The following EPC1 variants were observed in gnomAD, a reference collection of about 807,000 sequenced individuals.
EPC1 encodes enhancer of polycomb 1.
EPC1 carries 12 observed loss-of-function variants against 98.4 expected under a neutral mutation model. That is an observed-to-expected ratio of 0.12 (90% confidence interval 0.08 to 0.20). The LOEUF (loss-of-function observed/expected upper bound fraction) is 0.20. Among genes scored for constraint, EPC1 ranks in the 10% least tolerant of loss-of-function variants. The probability of loss-of-function intolerance (pLI) is 1.00; values close to 1 mark genes in which losing one functional copy is unlikely to be tolerated. For missense variants in EPC1, 729 were observed against 990.5 expected, an observed-to-expected ratio of 0.74 and a Z score of 3.54; for synonymous variants, 357 against 363.9, an observed-to-expected ratio of 0.98 and a Z score of 0.21.
rs1834950384 is a variant in EPC1, at chr10:32,293,214, G to C, written c.460-20C>G. On this transcript the variant is annotated intron_variant, in intron 3 of 13. Coordinates refer to ENST00000319778, the MANE Select transcript of EPC1 (RefSeq NM_001272004.3). Reference sequence around the variant, plus strand: ...GACTGGCTAAATGTAAAACCATTATGTCATTTTCATACAATACACATACAA... The same window carrying C: ...GACTGGCTAAATGTAAAACCATTATCTCATTTTCATACAATACACATACAA... 6.4e-7 allele frequency: 1 copy of C among 1,571,726 alleles called. No homozygotes were observed. Among genetic ancestry groups the C allele is most frequent in the Admixed American group, 1.7e-5 (1 of 59,196 alleles).
chr10:32,309,194 G>T (rs1212062722), intron 1 of EPC1, among the ~76,000 whole-genome samples: 1 of 152,096 alleles, frequency 6.6e-6, no homozygotes, highest in Non-Finnish European at 1.5e-5. Flanking sequence ...GAATGAATAA[G>T]ATTTGAACAG....
chr10:32,308,518 T>C (rs1416410144), intron 1 of EPC1, among the ~76,000 whole-genome samples: 1 of 152,212 alleles, frequency 6.6e-6, no homozygotes, highest in Non-Finnish European at 1.5e-5. Flanking sequence ...CCCCTTTTAA[T>C]AGTTTATTTT....
chr10:32,314,170 A>G (rs751746157), intron 1 of EPC1, among the ~76,000 whole-genome samples: 11 of 152,236 alleles, frequency 7.2e-5, no homozygotes, highest in Admixed American at 4.6e-4. Context: ...TTAATATGCA[A>G]TCTTACAAAA....
chr10:32,349,601 T>C (rs1839053901), upstream of EPC1, among the ~76,000 whole-genome samples: 1 of 152,106 alleles, frequency 6.6e-6, no homozygotes, highest in Admixed American at 6.6e-5. Flanking sequence ...AAAAAAACCC[T>C]TTTTTGAAAT....
At chr10:32,294,709 T>C (rs116137208) in intron 2 of EPC1, among the ~76,000 whole-genome samples, 2 of 152,234 alleles carry the variant, frequency 1.3e-5, no homozygotes, top group African/African-American at 4.8e-5. Flanking sequence ...TTAAGCTAGG[T>C]TGATATGAAT....
At chr10:32,340,257 T>C (rs1446447630) in intron 1 of EPC1, among the ~76,000 whole-genome samples, 2 of 152,212 alleles carry the variant, frequency 1.3e-5, no homozygotes, top group African/African-American at 2.4e-5. Flanking sequence ...ATTGATTGTA[T>C]CTGCATTGAT....
intron 10 of EPC1, chr10:32,282,351 A>G (rs1406898464): frequency 6.6e-6 from 1 of 152,088 alleles, no homozygotes; most frequent in Non-Finnish European, 1.5e-5. Flanking sequence ...GGCAACATAG[A>G]CCCTATCTCT....
At position 32,320,635 on chromosome 10, in the gene EPC1, C is replaced by T. The variant is rs548212273; in HGVS notation, c.154-14704G>A. On this transcript the variant is annotated intron_variant, in intron 1 of 13. Coordinates refer to ENST00000319778, the MANE Select transcript of EPC1 (RefSeq NM_001272004.3). ...TTTTTGAGACAGTCTTGCTCTGTTG[C>T]CCCTGCTGGAGTGCAGTGGTGTGAT... Among the ~76,000 whole-genome samples the T allele has an allele frequency of 8.5e-5, 13 of 152,200 alleles. No homozygotes were observed. The South Asian group carries it at 2.7e-3, about 32-fold the overall frequency.
At chr10:32,346,697 G>C in intron 1 of EPC1, 66 bp downstream of exon 1, 1 of 1,456,854 alleles carries the variant, frequency 6.9e-7, no homozygotes, top group Non-Finnish European at 9.5e-7. Context: ...TTGCTGCTCC[G>C]CCGCCGCCGC....
intron 1 of EPC1, among the ~76,000 whole-genome samples, chr10:32,340,289 A>G (rs530741979): frequency 1.3e-5 from 2 of 152,332 alleles, no homozygotes; most frequent in East Asian, 1.9e-4. Flanking sequence ...CTCAGATAAC[A>G]TATTATAGTA....
intron 1 of EPC1, among the ~76,000 whole-genome samples, chr10:32,314,843 G>A (rs528797911): frequency 6.6e-6 from 1 of 152,224 alleles, no homozygotes; most frequent in East Asian, 1.9e-4. Context: ...CACATGGGTG[G>A]GTATCTTTGC....
chr10:32,368,750 C>T (rs578071885), intron 1 of EPC1, among the ~76,000 whole-genome samples: 34 of 152,224 alleles, frequency 2.2e-4, no homozygotes, highest in African/African-American at 6.0e-4. Context: ...AAATTCGCGT[C>T]GCACTGTGTA....
At chr10:32,330,911 A>G (rs1230024388) in intron 1 of EPC1, among the ~76,000 whole-genome samples, 2 of 152,212 alleles carry the variant, frequency 1.3e-5, no homozygotes, top group Non-Finnish European at 2.9e-5. Context: ...CCATCACTAC[A>G]AAAGTTAGAA....
upstream of EPC1, among the ~76,000 whole-genome samples, chr10:32,352,145 C>T (rs547966474): frequency 4.2e-4 from 63 of 150,122 alleles, no homozygotes; most frequent in East Asian, 5.9e-4. Context: ...CCCAGGTTCA[C>T]GCCATTCTTC....
At chr10:32,375,544 T>C (rs1470586871) in intron 1 of EPC1, among the ~76,000 whole-genome samples, 1 of 152,096 alleles carries the variant, frequency 6.6e-6, no homozygotes, top group Non-Finnish European at 1.5e-5. Context: ...TTCATTTTTC[T>C]GAGGTTTATT....
chr10:32,373,307 T>C (rs1418817414), intron 1 of EPC1, among the ~76,000 whole-genome samples: 1 of 152,224 alleles, frequency 6.6e-6, no homozygotes, highest in African/African-American at 2.4e-5. Flanking sequence ...GGCTGGAACA[T>C]AGTAAGCTCT....
At chr10:32,335,707 C>A (rs1381292090) in intron 1 of EPC1, among the ~76,000 whole-genome samples, 1 of 152,190 alleles carries the variant, frequency 6.6e-6, no homozygotes, top group East Asian at 1.9e-4. Flanking sequence ...CTTCTGGCAT[C>A]ATTTTTAATG....
At chr10:32,299,461 C>T (rs1428642986) in intron 2 of EPC1, among the ~76,000 whole-genome samples, 2 of 152,198 alleles carry the variant, frequency 1.3e-5, no homozygotes, top group Middle Eastern at 6.3e-3. Context: ...GCTGGGATTA[C>T]AGGCGTGAGT....
intron 1 of EPC1, among the ~76,000 whole-genome samples, chr10:32,370,052 T>C (rs778783754): frequency 6.6e-6 from 1 of 152,244 alleles, no homozygotes; most frequent in Non-Finnish European, 1.5e-5. Context: ...ACTTTGAATA[T>C]ATAAGCTAAA....
Sources: gnomAD v4.1 joint callset for allele counts (sites outside exome capture counted in the v4.1 genomes callset) on GRCh38, gnomAD v4.1.1 for gene constraint, MANE v1.5 for transcripts, NCBI Gene and HGNC (gene_info 2026-07-23, HGNC 2026-07-21) for gene names.